The following ADAMTSL3 variants were observed in gnomAD, a reference collection of about 807,000 sequenced individuals.
ADAMTSL3 encodes ADAMTS-like protein 3.
A neutral mutation model predicts 201.7 loss-of-function variants in ADAMTSL3; 128 were observed. The observed-to-expected ratio is 0.63, with a 90% confidence interval of 0.55 to 0.73. ADAMTSL3 has a LOEUF of 0.73. Ranked by LOEUF, ADAMTSL3 falls within the 30% of genes least tolerant of loss-of-function variation. ADAMTSL3 has a pLI of 0.00. For missense variants in ADAMTSL3, 1,990 were observed against 2,119.6 expected (o/e 0.94, Z 1.20); for synonymous variants, 738 against 748.4 (o/e 0.99, Z 0.23).
intron 11 of ADAMTSL3, 25 bp from the exon 12 acceptor site, chr15:83,891,304 A>G: frequency 1.9e-6 from 3 of 1,556,800 alleles, no homozygotes; most frequent in Non-Finnish European, 8.9e-7. Context: ...TAGAAATGAT[A>G]TTCTCACAAT....
At chr15:83,986,130 C>T (rs1225115201) in intron 21 of ADAMTSL3, among the ~76,000 whole-genome samples, 2 of 152,088 alleles carry the variant, frequency 1.3e-5, no homozygotes, top group Non-Finnish European at 2.9e-5. Flanking sequence ...TTAATGGCTT[C>T]GTATTATTAT....
intron 6 of ADAMTSL3, among the ~76,000 whole-genome samples, chr15:83,834,327 G>A (rs1052597216): frequency 7.2e-5 from 11 of 152,132 alleles, no homozygotes; most frequent in African/African-American, 2.2e-4. Context: ...TTCAAAGGGG[G>A]TGGAGAAGTG....
chr15:83,739,595 C>CA (rs373774483), intron 3 of ADAMTSL3, among the ~76,000 whole-genome samples: 12 of 149,154 alleles, frequency 8.0e-5, no homozygotes, highest in African/African-American at 2.2e-4. Flanking sequence ...TTTCAAAATC[C>CA]AAAAAAAAAT....
intron 20 of ADAMTSL3, among the ~76,000 whole-genome samples, chr15:83,975,249 A>C (rs377570782): frequency 6.6e-6 from 1 of 151,176 alleles, no homozygotes; most frequent in South Asian, 2.1e-4. Flanking sequence ...TGATCCACCC[A>C]CCTTGGCCTC....
At chr15:83,903,242 C>CTTTTTTTTTTTTTT (rs3044648) in intron 15 of ADAMTSL3, among the ~76,000 whole-genome samples, 1 of 133,488 alleles carries the variant, frequency 7.5e-6, no homozygotes, top group African/African-American at 2.9e-5. Context: ...GCTGCCAGAT[C>CTTTTTTTTTTTTTT]TTTTTTTTTT....
Position 83,870,734 on chromosome 15 carries a change from T to C in ADAMTSL3, c.803-68T>C, listed in dbSNP as rs970633178. ...TATCATATACTGACATTGTATTTGCTAAAATGTCTTTTGTAATAAAATACC... is the reference window on the plus strand; with the variant it reads ...TATCATATACTGACATTGTATTTGCCAAAATGTCTTTTGTAATAAAATACC... On this transcript the variant is annotated intron_variant, in intron 8 of 29. Transcript: ENST00000286744. 12 of 1,348,648 alleles carry C rather than the reference T, an allele frequency of 8.9e-6. No homozygotes were observed. In the African/African-American group the frequency reaches 1.8e-4, roughly 20 times the overall value. The allele number at this position is 1,348,648 out of a possible 1,614,324, so 83.5% of individuals were successfully genotyped here.
Position 83,942,994 on chromosome 15 carries a change from A to T in ADAMTSL3, c.2402A>T (p.Glu801Val). ...GGCAGCTTTTTGAATCTCTCAGATG[A>T]ATTGTGCCAAGGACCCAAGGCATCG... ...TDGSFLNLSD[E>V]LCQGPKASSH... Residue 801 changes from glutamate (E) to valine (V), a missense_variant, in exon 19 of 30, where the codon GAA becomes GTA. By Grantham distance (121) the Glu-to-Val change is moderately radical. Transcript: ENST00000286744. The T allele has an allele frequency of 6.2e-7, 1 of 1,614,094 alleles. No individual in the cohort carries two copies. Among genetic ancestry groups the T allele is most frequent in the South Asian group, 1.1e-5 (1 of 91,078 alleles).
intron 6 of ADAMTSL3, among the ~76,000 whole-genome samples, chr15:83,826,372 C>T (rs1363469479): frequency 2.6e-5 from 4 of 151,782 alleles, no homozygotes; most frequent in Non-Finnish European, 5.9e-5. Context: ...ACTTTCCTAC[C>T]TTGGCCCCTC....
At position 83,654,860 on chromosome 15, in the gene ADAMTSL3, G is replaced by C. The variant is rs1356010801; in HGVS notation, c.-34+584G>C. On this transcript the variant is annotated intron_variant, in intron 1 of 29. Transcript: ENST00000286744. This position sits in a 1 kb window ranked among gnomAD's most constrained non-coding sequence, Gnocchi z 5.3. ...CCTTCAGCCAGGAGTCGCCGCCTCA[G>C]GTCGGAAACAGCAGCACATTTGCGG... is the stretch of plus-strand genomic sequence containing the variant. Among the ~76,000 whole-genome samples, 1 of 152,166 alleles carries C rather than the reference G, an allele frequency of 6.6e-6. No homozygotes were observed. Among genetic ancestry groups the C allele is most frequent in the Non-Finnish European group, 1.5e-5 (1 of 68,024 alleles).
intron 23 of ADAMTSL3, among the ~76,000 whole-genome samples, chr15:84,005,698 A>G (rs1208256487): frequency 1.3e-5 from 2 of 152,198 alleles, no homozygotes; most frequent in Non-Finnish European, 2.9e-5. Context: ...CACACCAGGA[A>G]GAGGACTTGT....
intron 10 of ADAMTSL3, among the ~76,000 whole-genome samples, chr15:83,887,464 T>C (rs2065418392): frequency 6.6e-6 from 1 of 152,204 alleles, no homozygotes; most frequent in African/African-American, 2.4e-5. Flanking sequence ...TTCTACCAGC[T>C]CTGACATTCA....
chr15:83,730,598 T>C (rs1172846251), intron 3 of ADAMTSL3, among the ~76,000 whole-genome samples: 1 of 149,896 alleles, frequency 6.7e-6, no homozygotes, highest in Middle Eastern at 3.2e-3. Flanking sequence ...AAAAGTATAA[T>C]GGTTAGGAGC....
intron 3 of ADAMTSL3, among the ~76,000 whole-genome samples, chr15:83,714,616 T>C (rs1339699127): frequency 6.6e-6 from 1 of 152,018 alleles, no homozygotes; most frequent in East Asian, 1.9e-4. Context: ...TAGGTCCACC[T>C]GCTTGCTTCC....
At chr15:83,934,333 A>T (rs765428205) in intron 17 of ADAMTSL3, among the ~76,000 whole-genome samples, 42 of 152,204 alleles carry the variant, frequency 2.8e-4, no homozygotes, top group Non-Finnish European at 5.6e-4. Flanking sequence ...TTCGACTTGC[A>T]TGGGCCCTGT....
At chr15:83,943,262 G>T (rs989554774) in intron 19 of ADAMTSL3, among the ~76,000 whole-genome samples, 180 bp downstream of exon 19, 5 of 152,154 alleles carry the variant, frequency 3.3e-5, no homozygotes, top group African/African-American at 9.7e-5. Context: ...GTCCAGGCCT[G>T]CACACAATGA....
chr15:83,786,569 T>TAAA (rs2063266847), intron 4 of ADAMTSL3, among the ~76,000 whole-genome samples: 1 of 152,214 alleles, frequency 6.6e-6, no homozygotes, highest in African/African-American at 2.4e-5. Flanking sequence ...AACTATGTTT[T>TAAA]TGTACCCAAC....
chr15:83,927,655 A>G (rs1350540973), intron 17 of ADAMTSL3, among the ~76,000 whole-genome samples: 1 of 152,230 alleles, frequency 6.6e-6, no homozygotes, highest in African/African-American at 2.4e-5. Context: ...ACTGAAATTT[A>G]GGATTTTTAG....
chr15:83,883,898 CT>C (rs1049569026), intron 9 of ADAMTSL3, among the ~76,000 whole-genome samples: 244 of 136,528 alleles, frequency 1.8e-3, no homozygotes, highest in Middle Eastern at 0.011. Flanking sequence ...TTTTCTTTTA[CT>C]TTTTTTTTTT....
At chr15:84,008,346 C>T (rs983454933) in intron 23 of ADAMTSL3, among the ~76,000 whole-genome samples, 9 of 152,212 alleles carry the variant, frequency 5.9e-5, no homozygotes, top group South Asian at 2.1e-4. Context: ...CTGCCCACCT[C>T]GGCCTCCCAC....
Sources: gnomAD v4.1 joint callset for allele counts (sites outside exome capture counted in the v4.1 genomes callset) on GRCh38, gnomAD v4.1.1 for gene constraint, Gnocchi (gnomAD v3.1) non-coding constraint, MANE v1.5 for transcripts, NCBI Gene and HGNC (gene_info 2026-07-23, HGNC 2026-07-21) for gene names.